Variants in PCLO observed in about 807,000 individuals in gnomAD.
The protein encoded by PCLO is protein piccolo.
PCLO carries 82 observed loss-of-function variants against 427.5 expected under a neutral mutation model. The observed-to-expected ratio is 0.19, with a 90% CI of 0.16 to 0.23. PCLO has a LOEUF of 0.23. Among genes scored for constraint, PCLO ranks in the 10% least tolerant of loss-of-function variants. The probability of loss-of-function intolerance (pLI) is 1.00; values close to 1 mark genes in which losing one functional copy is unlikely to be tolerated. For missense variants in PCLO, 6,239 were observed against 6,115.9 expected, an observed-to-expected ratio of 1.02 and a Z score of -0.67; for synonymous variants, 2,357 against 2,155.4, an observed-to-expected ratio of 1.09 and a Z score of -2.59.
chr7:83,085,163 A>G (rs1790199323), intron 3 of PCLO, among the ~76,000 whole-genome samples: 1 of 152,146 alleles, frequency 6.6e-6, no homozygotes, highest in African/African-American at 2.4e-5. Flanking sequence ...CAAGTTCTAC[A>G]TTAGTCTCTT....
At chr7:82,787,533 T>A (rs911841002) in intron 22 of PCLO, among the ~76,000 whole-genome samples, 2 of 152,118 alleles carry the variant, frequency 1.3e-5, no homozygotes, top group Non-Finnish European at 2.9e-5. Context: ...TTAAATACTT[T>A]ATTAAGAAAA....
At chr7:82,868,111 T>A (rs1562827277) in intron 10 of PCLO, 4 of 456,540 alleles carry the variant, frequency 8.8e-6, no homozygotes, top group Non-Finnish European at 1.8e-5. Flanking sequence ...CCGTACCTGG[T>A]AATCCCCCTG....
intron 9 of PCLO, among the ~76,000 whole-genome samples, chr7:82,891,533 C>A (rs904094648): frequency 2.0e-5 from 3 of 152,048 alleles, no homozygotes; most frequent in Middle Eastern, 3.4e-3. Flanking sequence ...TTATTTCCTT[C>A]TCCTGCCTGA....
At chr7:82,936,381 A>G (rs1463402232) in intron 6 of PCLO, among the ~76,000 whole-genome samples, 1 of 151,748 alleles carries the variant, frequency 6.6e-6, no homozygotes, top group Non-Finnish European at 1.5e-5. Flanking sequence ...GTCACTTCAC[A>G]TAAGAAACAT....
chr7:82,807,766 C>T (rs1017632554), intron 20 of PCLO, among the ~76,000 whole-genome samples: 1 of 151,636 alleles, frequency 6.6e-6, no homozygotes, highest in Non-Finnish European at 1.5e-5. Flanking sequence ...AAGTTAGAAA[C>T]GGCTATTTAG....
intron 3 of PCLO, among the ~76,000 whole-genome samples, chr7:83,024,128 C>G (rs144720248): frequency 6.6e-6 from 1 of 152,292 alleles, no homozygotes; most frequent in African/African-American, 2.4e-5. Flanking sequence ...GGAACAGCTC[C>G]GGTCTACAGC....
intron 10 of PCLO, among the ~76,000 whole-genome samples, chr7:82,877,844 T>C (rs1056422213): frequency 6.6e-6 from 1 of 152,052 alleles, no homozygotes; most frequent in African/African-American, 2.4e-5. Flanking sequence ...TTTTGTATTT[T>C]GTTTTTTAGT....
At chr7:83,133,592 T>C (rs1280351115) in intron 3 of PCLO, among the ~76,000 whole-genome samples, 1 of 152,032 alleles carries the variant, frequency 6.6e-6, no homozygotes, top group Non-Finnish European at 1.5e-5. Context: ...TTCATATATC[T>C]TTCTTTCTTT....
At chr7:82,795,306 CTATT>C (rs1320193991) in intron 22 of PCLO, among the ~76,000 whole-genome samples, 1 of 151,962 alleles carries the variant, frequency 6.6e-6, no homozygotes, top group African/African-American at 2.4e-5. Flanking sequence ...GCCCATTTAT[CTATT>C]TGTCTATTTT....
At chr7:83,001,059 CTG>C (rs1583892284) in intron 3 of PCLO, among the ~76,000 whole-genome samples, 1 of 152,032 alleles carries the variant, frequency 6.6e-6, no homozygotes, top group East Asian at 1.9e-4. Context: ...CTAAAAATAT[CTG>C]TATCTTTTCA....
chr7:83,092,256 G>T (rs1187863114), intron 3 of PCLO, among the ~76,000 whole-genome samples: 1 of 152,138 alleles, frequency 6.6e-6, no homozygotes, highest in Non-Finnish European at 1.5e-5. Flanking sequence ...TGCCATTAGA[G>T]ACATGATAGC....
chr7:82,835,606 G>GTA, intron 16 of PCLO, 61 bp downstream of exon 16: 1 of 1,393,748 alleles, frequency 7.2e-7, no homozygotes, highest in Non-Finnish European at 1.0e-6. Flanking sequence ...ACATAAAAAT[G>GTA]CCAAAAGTAT....
intron 3 of PCLO, among the ~76,000 whole-genome samples, chr7:83,101,368 A>G: frequency 6.6e-6 from 1 of 152,124 alleles, no homozygotes; most frequent in East Asian, 1.9e-4. Context: ...TCCATTTTAA[A>G]TATTTCTACA....
chr7:82,883,887 G>A (rs1370768850), intron 9 of PCLO, among the ~76,000 whole-genome samples: 2 of 151,780 alleles, frequency 1.3e-5, no homozygotes, highest in Admixed American at 6.6e-5. Context: ...CTCCTGCCTC[G>A]GCCTCCCTAG....
rs2116260677 is a variant in PCLO at position 82,915,011 on chromosome 7, A to G, written c.12975T>C (p.Asp4325=). 2 of 1,613,664 alleles carry G rather than the reference A, an allele frequency of 1.2e-6. No homozygotes were observed. Among genetic ancestry groups the G allele is most frequent in the Non-Finnish European group, 1.7e-6 (2 of 1,179,718 alleles). Residue 4325 remains aspartate, a synonymous_variant, in exon 7 of 25, where the codon GAT becomes GAC. Transcript: ENST00000333891. The part of the protein sequence containing the change: ...RLKAQEAEAL[D]VSFSHASSSA... ...AGGATGATGCATGACTAAAGGAAAC[A>G]TCTAGAGCTTCAGCCTCTTGAGCTT...
At chr7:82,844,883 CT>C in intron 13 of PCLO, among the ~76,000 whole-genome samples, 1 of 152,198 alleles carries the variant, frequency 6.6e-6, no homozygotes, top group African/African-American at 2.4e-5. Flanking sequence ...TTCTTTATCA[CT>C]GTGTCCTTTT....
At chr7:83,118,854 T>C (rs1259239411) in intron 3 of PCLO, among the ~76,000 whole-genome samples, 1 of 152,094 alleles carries the variant, frequency 6.6e-6, no homozygotes, top group African/African-American at 2.4e-5. Context: ...CTGGGGTGCA[T>C]TCTAGCCAAT....
chr7:83,066,854 G>A (rs1244441301), intron 3 of PCLO, among the ~76,000 whole-genome samples: 1 of 152,110 alleles, frequency 6.6e-6, no homozygotes, highest in East Asian at 1.9e-4. Context: ...AGATAAACAA[G>A]TATTCTGTAC....
At chr7:82,885,059 T>C (rs1793598063) in intron 9 of PCLO, among the ~76,000 whole-genome samples, 7 of 152,194 alleles carry the variant, frequency 4.6e-5, no homozygotes, top group Admixed American at 4.6e-4. Flanking sequence ...AGCCACTTCC[T>C]GGTATATTCC....
Sources: allele counts gnomAD v4.1 joint callset (sites outside exome capture counted in the v4.1 genomes callset), GRCh38; gene constraint gnomAD v4.1.1; transcripts MANE v1.5; gene names NCBI Gene and HGNC (gene_info 2026-07-23, HGNC 2026-07-21).